Variants in ZNF318 observed in about 807,000 individuals in gnomAD.
The protein encoded by ZNF318 is endocrine regulator.
In ZNF318, 51 loss-of-function variants were observed where a neutral mutation model predicts 124.2. The ratio of observed to expected loss-of-function variants is 0.41; its 90% CI spans 0.33 to 0.52. The LOEUF is 0.52. ZNF318 is among the 20% of genes least tolerant of loss of function. The pLI is 0.23. For missense variants in ZNF318, 2,815 were observed against 2,811.2 expected, an observed-to-expected ratio of 1.00 and a Z score of -0.03; for synonymous variants, 1,090 against 1,040.7, an observed-to-expected ratio of 1.05 and a Z score of -0.91.
rs748452499 is a variant in ZNF318 at position 43,338,045 on chromosome 6, C to T, written c.5953G>A (p.Val1985Ile). 2 of 1,614,178 alleles carry T rather than the reference C, an allele frequency of 1.2e-6. No homozygotes were observed. Among genetic ancestry groups the T allele is most frequent in the South Asian group, 2.2e-5 (2 of 91,084 alleles). The change falls in exon 10 of 10, where the codon GTC becomes ATC. Residue 1985 changes from valine (V) to isoleucine (I), a missense_variant. Val to Ile is a conservative substitution (Grantham distance 29). Coordinates refer to ENST00000361428, the MANE Select transcript of ZNF318 (RefSeq NM_014345.3). ...ATTGTCACTGTTAACTCTGGATGGA[C>T]ATCTTGTAGCTCCAGTGCTTCTGTT... is the stretch of plus-strand genomic sequence containing the variant. ...PKTEALELQD[V>I]HPELTVTIES...
At chr6:43,351,494 C>T (rs969766189) in intron 5 of ZNF318, among the ~76,000 whole-genome samples, 11 of 152,176 alleles carry the variant, frequency 7.2e-5, no homozygotes, top group African/African-American at 2.4e-4. Flanking sequence ...AGTGCAGTGA[C>T]TCATGCCTGT....
intron 6 of ZNF318, among the ~76,000 whole-genome samples, chr6:43,346,589 A>ATTT (rs1581642064): frequency 6.6e-6 from 1 of 151,988 alleles, no homozygotes; most frequent in East Asian, 1.9e-4. Context: ...GAGTCTTTAA[A>ATTT]TAAGACAACG....
chr6:43,360,862 T>C (rs1450784667), intron 2 of ZNF318, among the ~76,000 whole-genome samples: 1 of 152,346 alleles, frequency 6.6e-6, no homozygotes, highest in South Asian at 2.1e-4. Context: ...ATTCTATTTA[T>C]ATGAAATGTC....
At position 43,367,052 on chromosome 6, in the gene ZNF318, G is replaced by A. The variant is rs927829852; in HGVS notation, c.400-1612C>T. ...TTTTTAGTAGAGACGGTGTTTCACC[G>A]TGTTAGCCAACATGGTCTCGATCTC... On this transcript the variant is annotated intron_variant, in intron 1 of 9. Coordinates refer to ENST00000361428, the MANE Select transcript of ZNF318 (RefSeq NM_014345.3). Among the ~76,000 whole-genome samples, 7 of 152,106 alleles carry A rather than the reference G, an allele frequency of 4.6e-5. No individual in the cohort carries two copies. In the East Asian group the frequency reaches 5.8e-4, roughly 13 times the overall value.
Position 43,365,350 on chromosome 6 carries a change from G to C in ZNF318, c.490C>G (p.Arg164Gly), listed in dbSNP as rs757230046. 9.9e-6 allele frequency: 16 copies of C among 1,614,148 alleles called. No homozygotes were observed. The highest frequency in any genetic ancestry group is 1.3e-5 in the Non-Finnish European group (15 of 1,180,028). Residue 164 changes from arginine to glycine, a missense_variant, in exon 2 of 10, where the codon CGG becomes GGG. By Grantham distance (125) the Arg-to-Gly change is moderately radical. This residue lies in a region of ZNF318 where 1,377 missense variants were observed against 1,353.5 expected (regional missense o/e 1.02). Coordinates refer to ENST00000361428, the MANE Select transcript of ZNF318 (RefSeq NM_014345.3). ...NDHFCVSTPE[R>G]RRLSDRLGSP... ...CCCAGCCGATCACTAAGCCGTCGCC[G>C]TTCTGGTGTGCTAACACAGAAGTGG... is the stretch of plus-strand genomic sequence containing the variant.
In ZNF318 at chr6:43,352,464, T is replaced by G. The variant is rs1302881619; in HGVS notation, c.2683A>C (p.Arg895=). 5 of 1,613,916 alleles carry G rather than the reference T, an allele frequency of 3.1e-6. No individual in the cohort carries two copies. Among genetic ancestry groups the G allele is most frequent in the Non-Finnish European group, 3.4e-6 (4 of 1,179,966 alleles). The change falls in exon 5 of 10, where the codon AGG becomes CGG. Residue 895 remains arginine, a synonymous_variant. Transcript: ENST00000361428. ...ASQKQKVIEE[R]EKLKNDREAR... ...TCCCGGTCATTCTTTAGTTTTTCCC[T>G]CTCTTCAATAACCTGCAAAATACAA...
At chr6:43,362,609 A>T (rs984845339) in intron 2 of ZNF318, among the ~76,000 whole-genome samples, 1 of 136,204 alleles carries the variant, frequency 7.3e-6, no homozygotes, top group Non-Finnish European at 1.5e-5. Flanking sequence ...CCCAGGTTCA[A>T]GCTTCTCCTG....
At position 43,369,207 on chromosome 6, in the gene ZNF318, C is replaced by G; in HGVS notation, c.159G>C (p.Pro53=). ...CTGAGGGCGAGCGGGGTCGGCGAGC[C>G]GGGGTCCGCGACGAGGAGCCGGAGG... The part of the protein sequence containing the change: ...PPPSGSSSRT[P]ARRPRSPSGH... The change falls in exon 1 of 10, where the codon CCG becomes CCC. Residue 53 remains proline (P), a synonymous_variant. Coordinates refer to ENST00000361428, the MANE Select transcript of ZNF318 (RefSeq NM_014345.3). 4 of 1,210,948 alleles carry G rather than the reference C, an allele frequency of 3.3e-6. No homozygotes were observed. The highest frequency in any genetic ancestry group is 4.1e-6 in the Non-Finnish European group (4 of 976,188). The allele number at this position is 1,210,948 out of a possible 1,614,324, so 75.0% of individuals were successfully genotyped here. A position where few individuals can be genotyped will look rare whatever the true frequency, so the allele number is the denominator to read the frequency against.
intron 5 of ZNF318, among the ~76,000 whole-genome samples, chr6:43,350,955 T>C (rs1183837608): frequency 6.6e-6 from 1 of 152,202 alleles, no homozygotes; most frequent in Non-Finnish European, 1.5e-5. Flanking sequence ...AAGATTCATA[T>C]TAATTAAAAA....
chr6:43,351,225 AAAG>A (rs1469213922), intron 5 of ZNF318, among the ~76,000 whole-genome samples: 1 of 152,268 alleles, frequency 6.6e-6, no homozygotes, highest in Non-Finnish European at 1.5e-5. Context: ...CACTCAGATT[AAAG>A]AAGAGTACAG....
chr6:43,356,202 T>C (rs1312548178), intron 3 of ZNF318, 57 bp from the exon 4 acceptor site: 6 of 1,516,938 alleles, frequency 4.0e-6, no homozygotes, highest in African/African-American at 2.8e-5. Context: ...ACATTAGTAA[T>C]TGAGATAAAT....
Position 43,337,239 on chromosome 6 carries a change from ATT to A in ZNF318, c.6757_6758del (p.Asn2253TyrfsTer8). Reference sequence around the variant, plus strand: ...GTTCAGGCATTCCCTGAGGGACCATATTGTCTTCAATTACCTGCTCCCTTGGA... The same window carrying A: ...GTTCAGGCATTCCCTGAGGGACCATAGTCTTCAATTACCTGCTCCCTTGGA... ...SPPREQVIED[N>X]MVPQGMPEQE... On this transcript the variant is annotated frameshift_variant, in exon 10 of 10. Transcript: ENST00000361428. LOFTEE classifies it low-confidence loss of function (END_TRUNC). 1 of 1,614,118 alleles carries A rather than the reference ATT, an allele frequency of 6.2e-7. No individual in the cohort carries two copies.
chr6:43,367,544 C>T (rs1779778285), intron 1 of ZNF318, among the ~76,000 whole-genome samples: 1 of 152,038 alleles, frequency 6.6e-6, no homozygotes, highest in African/African-American at 2.4e-5. Context: ...GTAAAGCTAA[C>T]GGGTTAGACA....
chr6:43,339,578 C>T lies in ZNF318; in HGVS notation c.4420G>A (p.Ala1474Thr). The T allele has an allele frequency of 1.2e-6, 2 of 1,611,874 alleles. No homozygotes were observed. Among genetic ancestry groups the T allele is most frequent in the Non-Finnish European group, 1.7e-6 (2 of 1,179,676 alleles). The change falls in exon 10 of 10, where the codon GCT becomes ACT. Residue 1474 changes from alanine to threonine, a missense_variant. Transcript: ENST00000361428. The surrounding 1 kb of genome is among the most constrained non-coding windows in gnomAD (Gnocchi z 4.2). ...PSAAQANAIL[A>T]PVKSNPVVSQ... ...ACAACTGGGTTTGATTTTACTGGAGCCAAGATAGCATTTGCTTGAGCAGCA... is the reference window on the plus strand; with the variant it reads ...ACAACTGGGTTTGATTTTACTGGAGTCAAGATAGCATTTGCTTGAGCAGCA...
Position 43,338,501 on chromosome 6 carries a change from T to C in ZNF318, c.5497A>G (p.Lys1833Glu). 6.2e-7 allele frequency: 1 copy of C among 1,614,242 alleles called. No homozygotes were observed. The highest frequency in any genetic ancestry group is 8.5e-7 in the Non-Finnish European group (1 of 1,180,048). ...VKQPNLLMID[K>E]EAEQSNKLMT... ...AATTTATTGGACTGTTCAGCCTCTT[T>C]GTCAATCATTAGCAAGTTGGGCTGT... The change falls in exon 10 of 10, where the codon AAA becomes GAA. Residue 1833 changes from lysine (K) to glutamate (E), a missense_variant. Around this residue, in one of 4 missense-constraint regions of ZNF318, gnomAD observed 927 missense variants for 820.6 expected, o/e 1.13. Transcript: ENST00000361428.
At position 43,369,288 on chromosome 6, in the gene ZNF318, G is replaced by A; in HGVS notation, c.78C>T (p.Gly26=). 3 of 1,336,394 alleles carry A rather than the reference G, an allele frequency of 2.2e-6. No individual in the cohort carries two copies. The highest frequency in any genetic ancestry group is 2.9e-6 in the Non-Finnish European group (3 of 1,038,280). The allele number at this position is 1,336,394 out of a possible 1,614,324, so 82.8% of individuals were successfully genotyped here. ...GGCCTGAGGAGGAGCCAGAGCTGCGGCCGCTGCGCGGGCCGCCCCCGCCGT... is the reference window on the plus strand; with the variant it reads ...GGCCTGAGGAGGAGCCAGAGCTGCGACCGCTGCGCGGGCCGCCCCCGCCGT... ...KDDGGGGPRS[G]RSSGSSSGPA... is the part of the protein sequence containing the mutation. The change falls in exon 1 of 10, where the codon GGC becomes GGT. Residue 26 remains glycine (G), a synonymous_variant. Transcript: ENST00000361428.
At chr6:43,361,972 A>G (rs1228688722) in intron 2 of ZNF318, among the ~76,000 whole-genome samples, 2 of 151,856 alleles carry the variant, frequency 1.3e-5, no homozygotes, top group African/African-American at 4.8e-5. Flanking sequence ...CCTAGGCAAC[A>G]CAGTGAGAAC....
At chr6:43,350,787 C>T (rs1309095566) in intron 5 of ZNF318, among the ~76,000 whole-genome samples, 1 of 152,106 alleles carries the variant, frequency 6.6e-6, no homozygotes, top group African/African-American at 2.4e-5. Context: ...GCACTTCAGC[C>T]TGGGTGACAC....
At position 43,338,198 on chromosome 6, in the gene ZNF318, TAGA is replaced by T. The variant is rs777910088; in HGVS notation, c.5797_5799del (p.Ser1933del). On this transcript the variant is annotated inframe_deletion, in exon 10 of 10. Coordinates refer to ENST00000361428, the MANE Select transcript of ZNF318 (RefSeq NM_014345.3). ...CTCTTGAGTTTGAGACTTCTGTACC[TAGA>T]AGTTCTAGAAGCTGATTCTGGAGCT... The T allele has an allele frequency of 1.2e-6, 2 of 1,614,136 alleles. No individual in the cohort carries two copies. Among genetic ancestry groups the T allele is most frequent in the South Asian group, 2.2e-5 (2 of 91,062 alleles).
Sources: allele counts gnomAD v4.1 joint callset (sites outside exome capture counted in the v4.1 genomes callset), GRCh38; gene constraint gnomAD v4.1.1; regional missense constraint gnomAD v4.1.1; non-coding constraint Gnocchi (gnomAD v3.1); transcripts MANE v1.5; gene names NCBI Gene and HGNC (gene_info 2026-07-23, HGNC 2026-07-21).